The following STARD13 variants were observed in gnomAD, a reference collection of about 807,000 sequenced individuals.
STARD13 encodes the protein stAR-related lipid transfer protein 13.
STARD13 carries 62 observed loss-of-function variants against 106.4 expected under a neutral mutation model. The ratio of observed to expected loss-of-function variants is 0.58; its 90% CI spans 0.48 to 0.72. The LOEUF is 0.72. Among genes scored for constraint, STARD13 ranks in the 30% least tolerant of loss-of-function variants. STARD13 has a pLI of 0.00. For missense variants in STARD13, 1,387 were observed against 1,424.0 expected, an observed-to-expected ratio of 0.97 and a Z score of 0.42; for synonymous variants, 565 against 553.0, an observed-to-expected ratio of 1.02 and a Z score of -0.31.
At chr13:33,313,649 C>T (rs1446921998) in intron 1 of STARD13, among the ~76,000 whole-genome samples, 2 of 152,128 alleles carry the variant, frequency 1.3e-5, no homozygotes, top group East Asian at 3.8e-4. Flanking sequence ...CTGCATGTAG[C>T]ACAATTCCAC....
At chr13:33,580,808 T>C in the STARD13 span, among the ~76,000 whole-genome samples, 2 of 152,162 alleles carry the variant, frequency 1.3e-5, no homozygotes, top group African/African-American at 4.8e-5. Context: ...AGACTTAGTA[T>C]AGTGTGATTA....
the STARD13 span, among the ~76,000 whole-genome samples, chr13:33,429,914 TG>T: frequency 6.2e-5 from 9 of 146,184 alleles, no homozygotes; most frequent in African/African-American, 2.1e-4. Flanking sequence ...ATAACTTAAT[TG>T]TACTTTTTTT....
chr13:33,210,684 T>C (rs920882582), intron 1 of STARD13, among the ~76,000 whole-genome samples: 2 of 152,216 alleles, frequency 1.3e-5, no homozygotes, highest in African/African-American at 4.8e-5. Flanking sequence ...AAATTAAGAA[T>C]TCTCTGTAAG....
At chr13:33,217,740 A>T (rs1888125236) in intron 1 of STARD13, among the ~76,000 whole-genome samples, 1 of 152,184 alleles carries the variant, frequency 6.6e-6, no homozygotes, top group Non-Finnish European at 1.5e-5. Flanking sequence ...AAACACCTTC[A>T]TGAAAAATAT....
intron 1 of STARD13, among the ~76,000 whole-genome samples, chr13:33,270,771 T>C (rs997280825): frequency 1.3e-5 from 2 of 152,196 alleles, no homozygotes; most frequent in African/African-American, 4.8e-5. Context: ...GGAAGTTTTA[T>C]AGCTGCATGT....
At chr13:33,546,472 T>C in the STARD13 span, among the ~76,000 whole-genome samples, 1 of 152,178 alleles carries the variant, frequency 6.6e-6, no homozygotes, top group East Asian at 1.9e-4. Context: ...TAGTTGAGTC[T>C]CTGTAGCCTT....
intron 1 of STARD13, among the ~76,000 whole-genome samples, chr13:33,316,882 C>G (rs1055749194): frequency 1.3e-5 from 2 of 152,182 alleles, no homozygotes; most frequent in Non-Finnish European, 2.9e-5. Context: ...TGACATCTGT[C>G]TTGACAAACT....
the STARD13 span, among the ~76,000 whole-genome samples, chr13:33,561,955 T>A: frequency 6.8e-6 from 1 of 147,166 alleles, no homozygotes; most frequent in African/African-American, 2.5e-5. Flanking sequence ...GGTTATTTTT[T>A]TAAAAATTTA....
intron 8 of STARD13, among the ~76,000 whole-genome samples, chr13:33,114,731 A>G (rs1875113308): frequency 6.6e-6 from 1 of 152,234 alleles, no homozygotes; most frequent in African/African-American, 2.4e-5. Context: ...TTTCCCAGCC[A>G]TCATTTTTGA....
intron 1 of STARD13, among the ~76,000 whole-genome samples, chr13:33,343,255 T>C (rs975314836): frequency 2.7e-5 from 4 of 150,676 alleles, no homozygotes; most frequent in Non-Finnish European, 5.9e-5. Context: ...ATAATAATAG[T>C]AAAATTAAAA....
intron 1 of STARD13, among the ~76,000 whole-genome samples, chr13:33,212,447 C>T (rs1001017465): frequency 6.6e-6 from 1 of 152,170 alleles, no homozygotes; most frequent in Non-Finnish European, 1.5e-5. Flanking sequence ...ATAGAAATGT[C>T]AACCTTTCAG....
the STARD13 span, among the ~76,000 whole-genome samples, chr13:33,515,343 GTTT>G: frequency 6.6e-6 from 1 of 152,162 alleles, no homozygotes; most frequent in Non-Finnish European, 1.5e-5. Context: ...GTGTAAAAAT[GTTT>G]TTGTGTCTTC....
the STARD13 span, among the ~76,000 whole-genome samples, chr13:33,620,231 A>T: frequency 1.3e-5 from 2 of 152,122 alleles, no homozygotes; most frequent in Non-Finnish European, 2.9e-5. Context: ...GACCTAATTG[A>T]CATTCAAAAA....
chr13:33,329,881 T>A (rs929427577), intron 1 of STARD13, among the ~76,000 whole-genome samples: 10 of 152,056 alleles, frequency 6.6e-5, no homozygotes, highest in Non-Finnish European at 1.5e-4. Context: ...TTTTTGTATT[T>A]TTAGTAGAGA....
At chr13:33,518,009 A>AAACAACAACAAC in the STARD13 span, among the ~76,000 whole-genome samples, 2 of 150,460 alleles carry the variant, frequency 1.3e-5, no homozygotes, top group African/African-American at 4.8e-5. Flanking sequence ...TGGCAAAAAC[A>AAACAACAACAAC]AACAACAACA....
chr13:33,667,048 A>C, the STARD13 span, among the ~76,000 whole-genome samples: 5 of 152,248 alleles, frequency 3.3e-5, no homozygotes, highest in African/African-American at 1.2e-4. Context: ...ATGTAGACTG[A>C]ATAGATGCTT....
the STARD13 span, among the ~76,000 whole-genome samples, chr13:33,508,256 C>T: frequency 6.6e-6 from 1 of 152,168 alleles, no homozygotes; most frequent in Admixed American, 6.6e-5. Context: ...AAAAACTGGT[C>T]AGGTGGCCCA....
chr13:33,468,564 T>C, the STARD13 span, among the ~76,000 whole-genome samples: 2 of 152,036 alleles, frequency 1.3e-5, no homozygotes, highest in Non-Finnish European at 2.9e-5. Flanking sequence ...AGTTCAGCCA[T>C]CTTTGCCCAC....
the STARD13 span, among the ~76,000 whole-genome samples, chr13:33,483,794 C>T: frequency 6.6e-6 from 1 of 152,178 alleles, no homozygotes; most frequent in African/African-American, 2.4e-5. Context: ...AAGCCCTCTT[C>T]CCTGGCAATA....
Sources: gnomAD v4.1 joint callset for allele counts (sites outside exome capture counted in the v4.1 genomes callset) on GRCh38, gnomAD v4.1.1 for gene constraint, MANE v1.5 for transcripts, NCBI Gene and HGNC (gene_info 2026-07-23, HGNC 2026-07-21) for gene names.